PWWP2B: variants seen among roughly 807,000 people sequenced by gnomAD.
PWWP2B encodes the protein PWWP domain containing 2B.
Under a neutral mutation model 15.5 loss-of-function variants are expected in PWWP2B, and 9 were observed. The ratio of observed to expected loss-of-function variants is 0.58; its 90% confidence interval spans 0.35 to 1.02. The LOEUF is 1.02. PWWP2B is among the 50% of genes least tolerant of loss of function. PWWP2B has a pLI of 0.02. For missense variants in PWWP2B, 864 were observed against 865.3 expected, an observed-to-expected ratio of 1.00 and a Z score of 0.02; for synonymous variants, 474 against 403.6, an observed-to-expected ratio of 1.17 and a Z score of -2.09.
chr10:132,399,088 G>GGCT (rs2069578973), intron 1 of PWWP2B, among the ~76,000 whole-genome samples: 1 of 140,254 alleles, frequency 7.1e-6, no homozygotes, highest in South Asian at 2.4e-4. Context: ...GTCTCCAGCC[G>GGCT]GTTCTCTGCC....
At chr10:132,412,330 C>T (rs1438774143) in intron 2 of PWWP2B, among the ~76,000 whole-genome samples, 2 of 152,258 alleles carry the variant, frequency 1.3e-5, no homozygotes, top group African/African-American at 4.8e-5. Flanking sequence ...TCCTGGGTCT[C>T]ACCTTCAGCT....
chr10:132,405,940 C>T lies in PWWP2B; in HGVS notation c.1440C>T (p.Cys480=), dbSNP rs1327183299. 2.5e-6 allele frequency: 4 copies of T among 1,613,308 alleles called. No homozygotes were observed. Among genetic ancestry groups the T allele is most frequent in the Non-Finnish European group, 3.4e-6 (4 of 1,180,014 alleles). ...VRLHTQSVSE[C]ITEDGRTVAV... ...TGCACACACAGAGCGTGTCGGAGTG[C>T]ATCACGGAGGACGGCAGGACTGTGG... is the stretch of plus-strand genomic sequence containing the variant. The change falls in exon 2 of 3, where the codon TGC becomes TGT. Residue 480 remains cysteine (C), a synonymous_variant. Coordinates refer to ENST00000305233, the MANE Select transcript of PWWP2B (RefSeq NM_138499.4).
intron 2 of PWWP2B, among the ~76,000 whole-genome samples, chr10:132,412,204 G>C (rs1055430569): frequency 2.0e-5 from 3 of 152,200 alleles, no homozygotes; most frequent in Non-Finnish European, 4.4e-5. Context: ...TTCCCAGTGT[G>C]GGGGGACACT....
At chr10:132,403,015 C>T (rs923528314) in intron 1 of PWWP2B, among the ~76,000 whole-genome samples, 4 of 152,236 alleles carry the variant, frequency 2.6e-5, no homozygotes, top group African/African-American at 7.2e-5. Flanking sequence ...CCCTTTCTCG[C>T]GAAAGTCTTA....
chr10:132,398,732 C>T (rs374000386), intron 1 of PWWP2B, among the ~76,000 whole-genome samples: 7 of 152,246 alleles, frequency 4.6e-5, no homozygotes, highest in South Asian at 2.1e-4. Context: ...ATGGGACCCC[C>T]GGCGTGGGAA....
At chr10:132,399,203 G>A (rs558410578) in intron 1 of PWWP2B, among the ~76,000 whole-genome samples, 24 of 152,354 alleles carry the variant, frequency 1.6e-4, no homozygotes, top group African/African-American at 4.8e-4. Flanking sequence ...CGTGGTGCCC[G>A]CCCTTATCCC....
intron 2 of PWWP2B, among the ~76,000 whole-genome samples, chr10:132,415,395 A>T (rs1446183023): frequency 1.3e-5 from 2 of 148,688 alleles, no homozygotes; most frequent in Non-Finnish European, 3.0e-5. Context: ...TCATTTACTC[A>T]CACACATCCA....
intron 1 of PWWP2B, among the ~76,000 whole-genome samples, chr10:132,401,502 G>C (rs1007833086): frequency 6.6e-6 from 1 of 152,094 alleles, no homozygotes; most frequent in African/African-American, 2.4e-5. Context: ...TAGCTCCAGG[G>C]CCACTCCATC....
intron 2 of PWWP2B, among the ~76,000 whole-genome samples, chr10:132,412,965 C>T (rs912216575): frequency 2.6e-5 from 4 of 152,242 alleles, no homozygotes; most frequent in African/African-American, 9.6e-5. Context: ...CGGAGGCCAG[C>T]GCCAGTGTCC....
chr10:132,413,248 A>C (rs972469622), intron 2 of PWWP2B, among the ~76,000 whole-genome samples: 1 of 152,292 alleles, frequency 6.6e-6, no homozygotes, highest in African/African-American at 2.4e-5. Context: ...TCAACATGTA[A>C]TATAGGTGTG....
At chr10:132,398,646 C>T (rs1590753937) in intron 1 of PWWP2B, among the ~76,000 whole-genome samples, 1 of 152,256 alleles carries the variant, frequency 6.6e-6, no homozygotes, top group African/African-American at 2.4e-5. Context: ...CTCGGGCTCT[C>T]CTCCCTGAGG....
intron 2 of PWWP2B, among the ~76,000 whole-genome samples, chr10:132,411,095 C>T (rs749747004): frequency 9.9e-5 from 15 of 152,194 alleles, no homozygotes; most frequent in Non-Finnish European, 1.9e-4. Context: ...GCTCTGAGAC[C>T]ACAGGCGTTT....
At position 132,404,783 on chromosome 10, in the gene PWWP2B, G is replaced by A. The variant is rs199872085; in HGVS notation, c.283G>A (p.Glu95Lys). 9,035 of 1,393,804 alleles carry A rather than the reference G, an allele frequency of 6.5e-3. 43 individuals carry two copies. Among genetic ancestry groups the A allele is most frequent in the Non-Finnish European group, 7.7e-3 (8,024 of 1,036,256 alleles). The allele number at this position is 1,393,804 out of a possible 1,614,324, so 86.3% of individuals were successfully genotyped here. A position where few individuals can be genotyped will look rare whatever the true frequency, so the allele number is the denominator to read the frequency against. ...PPPARGVQPPETTRPEPPPPL... is the reference protein window; with the variant it reads ...PPPARGVQPPKTTRPEPPPPL... Reference sequence around the variant, plus strand: ...TCCTGCCCGCGGGGTTCAGCCCCCCGAGACCACCCGCCCCGAGCCACCCCC... The same window carrying A: ...TCCTGCCCGCGGGGTTCAGCCCCCCAAGACCACCCGCCCCGAGCCACCCCC... Residue 95 changes from glutamate (E) to lysine (K), a missense_variant, in exon 2 of 3, where the codon GAG becomes AAG. Transcript: ENST00000305233.
rs750061779 is a variant in PWWP2B, at chr10:132,405,268, C to T, written c.768C>T (p.Ser256=). The T allele has an allele frequency of 1.9e-6, 3 of 1,611,570 alleles. No individual in the cohort carries two copies. The highest frequency in any genetic ancestry group is 2.5e-6 in the Non-Finnish European group (3 of 1,179,536). Residue 256 remains serine, a synonymous_variant, in exon 2 of 3, where the codon TCC becomes TCT. Coordinates refer to ENST00000305233, the MANE Select transcript of PWWP2B (RefSeq NM_138499.4). Reference sequence around the variant, plus strand: ...CGCGGAGCCCGGTCATCAAGATCTCCTACAGCACGCCCCAGGGCAAGGGAG... The same window carrying T: ...CGCGGAGCCCGGTCATCAAGATCTCTTACAGCACGCCCCAGGGCAAGGGAG... ...QVPRSPVIKI[S]YSTPQGKGEV...
At chr10:132,399,902 G>A (rs1055224365) in intron 1 of PWWP2B, among the ~76,000 whole-genome samples, 1 of 152,242 alleles carries the variant, frequency 6.6e-6, no homozygotes, top group Non-Finnish European at 1.5e-5. Flanking sequence ...CTCCATCTCT[G>A]AGCTGGTATT....
rs376583800 is a variant in PWWP2B at position 132,404,809 on chromosome 10, G to A, written c.309G>A (p.Pro103=). 778 of 539,816 alleles carry A rather than the reference G, an allele frequency of 1.4e-3. 3 individuals are homozygous for A. Among genetic ancestry groups the A allele is most frequent in the African/African-American group, 0.013 (315 of 24,398 alleles). 33.4% of individuals were successfully genotyped at this position (539,816 alleles called of 1,614,324 possible). A position where few individuals can be genotyped will look rare whatever the true frequency, so the allele number is the denominator to read the frequency against. The change falls in exon 2 of 3, where the codon CCG becomes CCA. Residue 103 remains proline, a synonymous_variant. Coordinates refer to ENST00000305233, the MANE Select transcript of PWWP2B (RefSeq NM_138499.4). ...PPETTRPEPP[P]PLVPPLPAGS... is the part of the protein sequence containing the mutation. ...AGACCACCCGCCCCGAGCCACCCCC[G>A]CCCCTCGTGCCGCCGCTGCCCGCCG...
chr10:132,412,336 C>T (rs2069791972), intron 2 of PWWP2B, among the ~76,000 whole-genome samples: 1 of 152,276 alleles, frequency 6.6e-6, no homozygotes, highest in South Asian at 2.1e-4. Flanking sequence ...GTCTCACCTT[C>T]AGCTCCAAAT....
intron 2 of PWWP2B, among the ~76,000 whole-genome samples, chr10:132,415,482 A>C (rs1192254401): frequency 2.7e-4 from 29 of 106,664 alleles, no homozygotes; most frequent in African/African-American, 4.0e-4. Flanking sequence ...CATTCACTCA[A>C]ACACACCCAC....
intron 1 of PWWP2B, 123 bp from the exon 2 acceptor site, chr10:132,404,501 CAG>C (rs1316481205): frequency 1.3e-6 from 1 of 785,128 alleles, no homozygotes; most frequent in South Asian, 1.6e-5. Context: ...GCCCTGGACT[CAG>C]GGCATGGCTC....
Sources: allele counts gnomAD v4.1 joint callset (sites outside exome capture counted in the v4.1 genomes callset), GRCh38; gene constraint gnomAD v4.1.1; transcripts MANE v1.5; gene names NCBI Gene and HGNC (gene_info 2026-07-23, HGNC 2026-07-21).